The following TIAM1 variants were observed in gnomAD, a reference collection of about 807,000 sequenced individuals.
TIAM1 encodes the protein rho guanine nucleotide exchange factor TIAM1.
TIAM1 carries 65 observed loss-of-function variants against 163.5 expected under a neutral mutation model. The ratio of observed to expected loss-of-function variants is 0.40; its 90% confidence interval spans 0.33 to 0.49. The LOEUF (loss-of-function observed/expected upper bound fraction) is 0.49. Ranked by LOEUF, TIAM1 falls within the 20% of genes least tolerant of loss-of-function variation. The pLI is 0.77. For synonymous variants in TIAM1, 833 were observed against 810.1 expected (o/e 1.03, Z -0.48); for missense variants, 1,789 against 2,044.7 (o/e 0.87, Z 2.41).
At position 31,179,649 on chromosome 21, in the gene TIAM1, G is replaced by T. The variant is rs543281740; in HGVS notation, c.2887+2772C>A. Among the ~76,000 whole-genome samples, 10 of 152,030 alleles carry T rather than the reference G, an allele frequency of 6.6e-5. No homozygotes were observed. In the South Asian group the frequency reaches 2.1e-3, roughly 32 times the overall value. Reference sequence around the variant, plus strand: ...GATTTAGCGCACAGCCTCCAAAGGTGAGCGGTCTGAAGGAGGTAACGTGGT... The same window carrying T: ...GATTTAGCGCACAGCCTCCAAAGGTTAGCGGTCTGAAGGAGGTAACGTGGT... On this transcript the variant is annotated intron_variant, in intron 15 of 27. Coordinates refer to ENST00000541036, the MANE Select transcript of TIAM1 (RefSeq NM_001353694.2).
At chr21:31,314,354 G>C (rs760835996) in intron 2 of TIAM1, among the ~76,000 whole-genome samples, 7 of 152,188 alleles carry the variant, frequency 4.6e-5, no homozygotes, top group Non-Finnish European at 1.0e-4. Context: ...ATGATTGGCA[G>C]TAGGATATAT....
chr21:31,259,290 C>G (rs941314572), intron 4 of TIAM1, among the ~76,000 whole-genome samples: 1 of 152,050 alleles, frequency 6.6e-6, no homozygotes, highest in Non-Finnish European at 1.5e-5. Flanking sequence ...CACACACCAC[C>G]ACACCTGGCT....
chr21:31,230,843 A>T (rs750146880), intron 6 of TIAM1, among the ~76,000 whole-genome samples: 19 of 151,918 alleles, frequency 1.3e-4, no homozygotes, highest in Non-Finnish European at 2.5e-4. Flanking sequence ...TAATTTTTGT[A>T]TTTTTAGTAG....
At chr21:31,416,796 CACAT>C (rs1255777262) in intron 2 of TIAM1, among the ~76,000 whole-genome samples, 2 of 152,176 alleles carry the variant, frequency 1.3e-5, no homozygotes, top group African/African-American at 4.8e-5. Flanking sequence ...GCTTACATGA[CACAT>C]ATTAAGGGGG....
chr21:31,488,393 T>A (rs771958479), intron 1 of TIAM1, among the ~76,000 whole-genome samples: 1 of 152,110 alleles, frequency 6.6e-6, no homozygotes, highest in Non-Finnish European at 1.5e-5. Context: ...GATACAAAAT[T>A]ATATCTGTAT....
intron 1 of TIAM1, among the ~76,000 whole-genome samples, chr21:31,484,884 G>T (rs1451828195): frequency 6.6e-6 from 1 of 152,216 alleles, no homozygotes; most frequent in Non-Finnish European, 1.5e-5. Flanking sequence ...GGAGGGCAGA[G>T]CCCTTGTGAA....
At chr21:31,293,769 T>A (rs1328092984) in intron 2 of TIAM1, among the ~76,000 whole-genome samples, 1 of 152,202 alleles carries the variant, frequency 6.6e-6, no homozygotes, top group Non-Finnish European at 1.5e-5. Context: ...ATTGCAACCA[T>A]CCAAGCTTTT....
chr21:31,496,568 C>G (rs765901148), intron 1 of TIAM1, among the ~76,000 whole-genome samples: 1 of 151,308 alleles, frequency 6.6e-6, no homozygotes, highest in Non-Finnish European at 1.5e-5. Flanking sequence ...AAATTAAAGT[C>G]TGTGAAGTTA....
At position 31,177,205 on chromosome 21, in the gene TIAM1, A is replaced by G. The variant is rs117596807; in HGVS notation, c.2887+5216T>C. Among the ~76,000 whole-genome samples the G allele has an allele frequency of 8.9e-4, 136 of 152,294 alleles. 2 individuals are homozygous for G. The East Asian group carries it at 0.024, about 27-fold the overall frequency. ...CCTCATTTGGTCCTCACAACAGCCCAATGAGATGACAGTGTGGCATTATCC... is the reference window on the plus strand; with the variant it reads ...CCTCATTTGGTCCTCACAACAGCCCGATGAGATGACAGTGTGGCATTATCC... On this transcript the variant is annotated intron_variant, in intron 15 of 27. Transcript: ENST00000541036.
At chr21:31,187,346 G>C (rs768552318) in intron 13 of TIAM1, among the ~76,000 whole-genome samples, 7 of 152,080 alleles carry the variant, frequency 4.6e-5, no homozygotes, top group Non-Finnish European at 2.9e-5. Flanking sequence ...AAATTATTTT[G>C]TTTAATCTTG....
intron 2 of TIAM1, among the ~76,000 whole-genome samples, chr21:31,425,960 T>C (rs1395607920): frequency 6.6e-6 from 1 of 152,138 alleles, no homozygotes; most frequent in African/African-American, 2.4e-5. Flanking sequence ...CTCAAACTCC[T>C]GACCTCAGGT....
chr21:31,233,074 G>A (rs1324227304), intron 6 of TIAM1, among the ~76,000 whole-genome samples: 1 of 152,174 alleles, frequency 6.6e-6, no homozygotes, highest in Non-Finnish European at 1.5e-5. Context: ...CTATCCAATG[G>A]CATGGAGGAC....
intron 1 of TIAM1, among the ~76,000 whole-genome samples, chr21:31,496,987 G>A (rs1014833697): frequency 6.6e-5 from 10 of 152,068 alleles, no homozygotes; most frequent in Admixed American, 2.6e-4. Context: ...ATAAGAGTTC[G>A]CACTCCTATG....
intron 2 of TIAM1, among the ~76,000 whole-genome samples, chr21:31,302,041 G>C (rs534334029): frequency 7.9e-5 from 12 of 151,532 alleles, no homozygotes; most frequent in Non-Finnish European, 1.6e-4. Flanking sequence ...ATGCTATCCA[G>C]AGTCAATTTT....
At chr21:31,304,266 A>T (rs2074611655) in intron 2 of TIAM1, among the ~76,000 whole-genome samples, 1 of 152,248 alleles carries the variant, frequency 6.6e-6, no homozygotes, top group African/African-American at 2.4e-5. Flanking sequence ...TGGTAAATAT[A>T]GCAACCATGC....
chr21:31,164,034 CTG>C (rs2146361203), intron 16 of TIAM1, among the ~76,000 whole-genome samples: 1 of 152,202 alleles, frequency 6.6e-6, no homozygotes, highest in African/African-American at 2.4e-5. Context: ...GTTTTGAAGA[CTG>C]TGGTAAAAGA....
chr21:31,382,222 G>A (rs8131941), intron 2 of TIAM1, among the ~76,000 whole-genome samples: 353 of 152,240 alleles, frequency 2.3e-3, no homozygotes, highest in African/African-American at 8.0e-3. Context: ...AGACCTCTGG[G>A]GCTAGATGTT....
At chr21:31,402,501 C>CGCA (rs532000543) in intron 2 of TIAM1, among the ~76,000 whole-genome samples, 41 of 152,230 alleles carry the variant, frequency 2.7e-4, no homozygotes, top group African/African-American at 8.7e-4. Flanking sequence ...TTACAAGGCC[C>CGCA]GCACAACCCT....
intron 14 of TIAM1, 122 bp downstream of exon 14, chr21:31,186,879 T>G: frequency 1.2e-6 from 1 of 834,178 alleles, no homozygotes; most frequent in Non-Finnish European, 2.0e-6. Flanking sequence ...GGGTTTTCAA[T>G]GAGAAAATGT....
Sources: allele counts gnomAD v4.1 joint callset (sites outside exome capture counted in the v4.1 genomes callset), GRCh38; gene constraint gnomAD v4.1.1; transcripts MANE v1.5; gene names NCBI Gene and HGNC (gene_info 2026-07-23, HGNC 2026-07-21).